RELCH: variants seen among roughly 807,000 people sequenced by gnomAD.
RELCH encodes the protein RAB11-binding protein RELCH.
A neutral mutation model predicts 150.3 loss-of-function variants in RELCH; 41 were observed. That is an observed-to-expected ratio of 0.27 (90% CI 0.21 to 0.35). The LOEUF is 0.35. Among genes scored for constraint, RELCH ranks in the 10% least tolerant of loss-of-function variants. RELCH has a pLI of 1.00. For synonymous variants in RELCH, 478 were observed against 531.8 expected, an observed-to-expected ratio of 0.90 and a Z score of 1.39; for missense variants, 1,092 against 1,467.8, an observed-to-expected ratio of 0.74 and a Z score of 4.18.
At chr18:62,211,828 T>C (rs1189249273) in intron 2 of RELCH, among the ~76,000 whole-genome samples, 1 of 152,170 alleles carries the variant, frequency 6.6e-6, no homozygotes, top group Non-Finnish European at 1.5e-5. Flanking sequence ...ACTTCTGTGC[T>C]TGTTGCTAAA....
chr18:62,212,554 C>T (rs901670695), intron 2 of RELCH, among the ~76,000 whole-genome samples: 6 of 152,218 alleles, frequency 3.9e-5, no homozygotes, highest in African/African-American at 1.2e-4. Context: ...GCTTAACCCT[C>T]GTGGTCATTA....
Position 62,187,419 on chromosome 18 carries a change from T to G in RELCH, c.-87T>G. Reference sequence around the variant, plus strand: ...CGTGGTCAGGCCGGGGCTGTGGAGGTGCGCTGTGTCCCCTGAGGCCTAGAG... The same window carrying G: ...CGTGGTCAGGCCGGGGCTGTGGAGGGGCGCTGTGTCCCCTGAGGCCTAGAG... On this transcript the variant is annotated 5_prime_UTR_variant, in exon 1 of 29. Coordinates refer to ENST00000644646, the MANE Select transcript of RELCH (RefSeq NM_001346231.2). 1 of 1,282,066 alleles carries G rather than the reference T, an allele frequency of 7.8e-7. No individual in the cohort carries two copies. Among genetic ancestry groups the G allele is most frequent in the Non-Finnish European group, 1.0e-6 (1 of 987,360 alleles). The allele number at this position is 1,282,066 out of a possible 1,614,324, so 79.4% of individuals were successfully genotyped here.
chr18:62,297,663 A>G (rs2045475531), intron 27 of RELCH, among the ~76,000 whole-genome samples: 1 of 152,166 alleles, frequency 6.6e-6, no homozygotes, highest in Non-Finnish European at 1.5e-5. Flanking sequence ...CAAAGTCCTT[A>G]TCATAATCTC....
Position 62,309,748 on chromosome 18 carries a change from C to G in RELCH, c.*4214C>G, listed in dbSNP as rs1282257732. The G allele has an allele frequency of 6.6e-6, 1 of 152,208 alleles. No homozygotes were observed. The highest frequency in any genetic ancestry group is 2.1e-4 in the South Asian group (1 of 4,818). The allele number at this position is 152,208 out of a possible 1,614,324, so 9.4% of individuals were successfully genotyped here. A position where few individuals can be genotyped will look rare whatever the true frequency, so the allele number is the denominator to read the frequency against. On this transcript the variant is annotated 3_prime_UTR_variant, in exon 29 of 29. Transcript: ENST00000644646. ...TATTACTATTTTAATTCCTTTTATT[C>G]CATTACAGACTAATCCACCATATTT...
chr18:62,267,482 ATATGTGTGTG>A (rs2043639990), intron 19 of RELCH, among the ~76,000 whole-genome samples: 3 of 89,272 alleles, frequency 3.4e-5, no homozygotes, highest in South Asian at 1.0e-3. Flanking sequence ...GTCTAGGTAT[ATATGTGTGTG>A]TGTGTGTGTG....
rs1350594674 is a variant in RELCH, at chr18:62,306,418, A to G, written c.*884A>G. The G allele has an allele frequency of 6.6e-6, 1 of 152,240 alleles. No homozygotes were observed. 9.4% of individuals were successfully genotyped at this position (152,240 alleles called of 1,614,324 possible). A position where few individuals can be genotyped will look rare whatever the true frequency, so the allele number is the denominator to read the frequency against. Reference sequence around the variant, plus strand: ...TCTGAAATTTAACACTTATTTATGTAAAACACTTTATTTAAGATATTTTCT... The same window carrying G: ...TCTGAAATTTAACACTTATTTATGTGAAACACTTTATTTAAGATATTTTCT... On this transcript the variant is annotated 3_prime_UTR_variant, in exon 29 of 29. Coordinates refer to ENST00000644646, the MANE Select transcript of RELCH (RefSeq NM_001346231.2).
intron 1 of RELCH, among the ~76,000 whole-genome samples, chr18:62,197,348 T>A (rs2039118171): frequency 6.6e-6 from 1 of 152,226 alleles, no homozygotes; most frequent in Admixed American, 6.5e-5. Context: ...TAGAGCTGGA[T>A]CTTCAAAATG....
chr18:62,235,985 C>T (rs902467189), intron 10 of RELCH, among the ~76,000 whole-genome samples: 8 of 151,892 alleles, frequency 5.3e-5, no homozygotes, highest in African/African-American at 1.7e-4. Context: ...ATTTCCAATA[C>T]AATTTGGATG....
At chr18:62,242,594 G>A (rs867576216) in intron 10 of RELCH, among the ~76,000 whole-genome samples, 25 of 152,178 alleles carry the variant, frequency 1.6e-4, no homozygotes, top group African/African-American at 5.1e-4. Context: ...GTAAACTAAG[G>A]TAAGAACTCT....
At chr18:62,269,071 CAATA>C in intron 20 of RELCH, 123 bp downstream of exon 20, 1 of 438,466 alleles carries the variant, frequency 2.3e-6, no homozygotes, top group Non-Finnish European at 4.1e-6. Flanking sequence ...TTATTTTATT[CAATA>C]AATAATTTAT....
intron 28 of RELCH, among the ~76,000 whole-genome samples, chr18:62,301,926 A>G (rs572379975): frequency 6.6e-6 from 1 of 152,244 alleles, no homozygotes; most frequent in Non-Finnish European, 1.5e-5. Context: ...TACTTTTACT[A>G]TTCTCATTTT....
chr18:62,262,481 A>G (rs1351984345), intron 16 of RELCH, among the ~76,000 whole-genome samples: 1 of 152,088 alleles, frequency 6.6e-6, no homozygotes. Context: ...GCTACCTATA[A>G]TATTTGGAGT....
chr18:62,257,369 CTT>C (rs1600111033), intron 13 of RELCH, among the ~76,000 whole-genome samples: 1 of 152,070 alleles, frequency 6.6e-6, no homozygotes, highest in African/African-American at 2.4e-5. Context: ...AGTTCACTCT[CTT>C]ATTTTATTAT....
At chr18:62,261,431 A>G (rs2043264336) in intron 15 of RELCH, 80 bp from the exon 16 acceptor site, 3 of 1,319,076 alleles carry the variant, frequency 2.3e-6, no homozygotes, top group Non-Finnish European at 2.1e-6. Flanking sequence ...TGCCACAGTA[A>G]GGAAGAACAT....
At chr18:62,209,529 C>G (rs2040024948) in intron 1 of RELCH, among the ~76,000 whole-genome samples, 1 of 151,870 alleles carries the variant, frequency 6.6e-6, no homozygotes. Flanking sequence ...CTTGATTACT[C>G]TTAAGTTTGA....
chr18:62,260,871 T>G (rs1205926894), intron 15 of RELCH, among the ~76,000 whole-genome samples: 1 of 151,874 alleles, frequency 6.6e-6, no homozygotes, highest in East Asian at 1.9e-4. Context: ...AAACAGTTGA[T>G]CTCAAGGAGG....
In RELCH at chr18:62,287,216, A is replaced by G. The variant is rs955920279; in HGVS notation, c.3254-135A>G. The stretch of plus-strand genomic sequence containing the variant: ...AGTTAAGAAAAAGCAAGTATAAGAT[A>G]TGGGTAATCTTTTGAAGTCATTCAG... On this transcript the variant is annotated intron_variant, in intron 25 of 28. Coordinates refer to ENST00000644646, the MANE Select transcript of RELCH (RefSeq NM_001346231.2). 4 of 607,764 alleles carry G rather than the reference A, an allele frequency of 6.6e-6. No homozygotes were observed. In the African/African-American group the frequency reaches 7.6e-5, roughly 12 times the overall value. 37.6% of individuals were successfully genotyped at this position (607,764 alleles called of 1,614,324 possible). A position where few individuals can be genotyped will look rare whatever the true frequency, so the allele number is the denominator to read the frequency against.
rs143473749 is a variant in RELCH, at chr18:62,225,646, C to T, written c.859-1643C>T. Among the ~76,000 whole-genome samples, 317 of 151,980 alleles carry T rather than the reference C, an allele frequency of 2.1e-3. 4 individuals carry two copies. The highest frequency in any genetic ancestry group is 7.4e-3 in the African/African-American group (307 of 41,508). The stretch of plus-strand genomic sequence containing the variant: ...TCAATCACATTGAGATACCACAACA[C>T]GTTAATTAGAATGTTTACCTATGAA... On this transcript the variant is annotated intron_variant, in intron 5 of 28. Transcript: ENST00000644646.
At chr18:62,234,311 G>GT (rs1242013352) in intron 10 of RELCH, among the ~76,000 whole-genome samples, 1 of 148,594 alleles carries the variant, frequency 6.7e-6, no homozygotes, top group Non-Finnish European at 1.5e-5. Context: ...GTTTTGTTTT[G>GT]TTTTTTGGGT....
Sources: allele counts gnomAD v4.1 joint callset (sites outside exome capture counted in the v4.1 genomes callset), GRCh38; gene constraint gnomAD v4.1.1; transcripts MANE v1.5; gene names NCBI Gene and HGNC (gene_info 2026-07-23, HGNC 2026-07-21).